PRKCA: variants seen among roughly 807,000 people sequenced by gnomAD.
PRKCA encodes the protein protein kinase C alpha type.
PRKCA carries 27 observed loss-of-function variants against 87.0 expected under a neutral mutation model. The ratio of observed to expected loss-of-function variants is 0.31; its 90% CI spans 0.23 to 0.43. The LOEUF (loss-of-function observed/expected upper bound fraction) is 0.43. PRKCA is among the 20% of genes least tolerant of loss of function. The pLI is 1.00. For missense variants in PRKCA, 518 were observed against 852.3 expected (o/e 0.61, Z 4.88); for synonymous variants, 329 against 311.1 (o/e 1.06, Z -0.61).
intron 14 of PRKCA, chr17:66,777,263 T>C: frequency 1.0e-6 from 1 of 985,438 alleles, no homozygotes; most frequent in Non-Finnish European, 1.2e-6. Context: ...AGGCTGTGGA[T>C]GATCTCTCCT....
intron 16 of PRKCA, among the ~76,000 whole-genome samples, chr17:66,800,528 C>G (rs1190726332): frequency 6.6e-6 from 1 of 152,244 alleles, no homozygotes; most frequent in African/African-American, 2.4e-5. Context: ...GCCTCCCTCT[C>G]CAGGCTTCTC....
chr17:66,767,874 G>A (rs1974845249), intron 13 of PRKCA, among the ~76,000 whole-genome samples: 1 of 152,140 alleles, frequency 6.6e-6, no homozygotes, highest in African/African-American at 2.4e-5. Context: ...AATACTATCT[G>A]ATGCTGAAGG....
intron 3 of PRKCA, among the ~76,000 whole-genome samples, chr17:66,564,491 A>G (rs991929431): frequency 1.3e-5 from 2 of 152,150 alleles, no homozygotes; most frequent in African/African-American, 2.4e-5. Context: ...GCTTTTGTCC[A>G]TGGTGCCTCT....
chr17:66,588,411 TCTG>T (rs1250083200), intron 3 of PRKCA, among the ~76,000 whole-genome samples: 19 of 152,082 alleles, frequency 1.2e-4, no homozygotes, highest in African/African-American at 3.6e-4. Context: ...CAAATTATCT[TCTG>T]CTGGGATTTG....
chr17:66,630,211 A>G (rs1970973463), intron 3 of PRKCA, among the ~76,000 whole-genome samples: 1 of 152,224 alleles, frequency 6.6e-6, no homozygotes, highest in African/African-American at 2.4e-5. Flanking sequence ...CAGTATGACA[A>G]TAGGAAAAAG....
rs1158204985 is a variant in PRKCA at position 66,698,927 on chromosome 17, C to G, written c.918+9880C>G. On this transcript the variant is annotated intron_variant, in intron 8 of 16. Transcript: ENST00000413366. ...CCTGGGAGGCAGAGATTGCAGTGAGCTGAGATTTTGCCACTGCACTCCAGC... is the reference window on the plus strand; with the variant it reads ...CCTGGGAGGCAGAGATTGCAGTGAGGTGAGATTTTGCCACTGCACTCCAGC... 5.3e-5 allele frequency among the ~76,000 whole-genome samples: 8 copies of G among 151,530 alleles called. No homozygotes were observed. In the East Asian group the frequency reaches 1.5e-3, roughly 29 times the overall value.
chr17:66,625,382 CCT>C (rs1970823539), intron 3 of PRKCA, among the ~76,000 whole-genome samples: 1 of 152,128 alleles, frequency 6.6e-6, no homozygotes. Context: ...CAACAGGGTT[CCT>C]CTCTACTCTG....
intron 3 of PRKCA, among the ~76,000 whole-genome samples, chr17:66,563,368 T>C (rs943065845): frequency 1.3e-5 from 2 of 152,198 alleles, no homozygotes; most frequent in African/African-American, 4.8e-5. Flanking sequence ...CTGATCCTTC[T>C]ATTGCCTCCA....
chr17:66,722,449 GC>G (rs1344872597), intron 8 of PRKCA, among the ~76,000 whole-genome samples: 5 of 152,184 alleles, frequency 3.3e-5, no homozygotes, highest in Non-Finnish European at 5.9e-5. Flanking sequence ...CACATGGATA[GC>G]TTCAGACACA....
chr17:66,626,707 A>G (rs750279758), intron 3 of PRKCA, among the ~76,000 whole-genome samples: 4 of 151,984 alleles, frequency 2.6e-5, no homozygotes, highest in Non-Finnish European at 4.4e-5. Context: ...GGTTTTTGCC[A>G]TGTTGGCCAG....
At chr17:66,798,710 ATGGTGG>A (rs1568041410) in intron 16 of PRKCA, among the ~76,000 whole-genome samples, 4 of 950 alleles carry the variant, frequency 4.2e-3, no homozygotes, top group African/African-American at 4.8e-3. Context: ...GGTGGTGGTG[ATGGTGG>A]TGGTGGTGGT....
rs748103430 is a variant in PRKCA, at chr17:66,803,552, C to T, written c.1855-321C>T. On this transcript the variant is annotated intron_variant, in intron 16 of 16. Transcript: ENST00000413366. The surrounding 1 kb of genome is among the most constrained non-coding windows in gnomAD (Gnocchi z 4.4). ...CTGACGGCCCTGCGTGCGTGGCTTC[C>T]GTGCTCTCAGCTCCGCTTGCTCGGT... is the stretch of plus-strand genomic sequence containing the variant. 5.3e-5 allele frequency among the ~76,000 whole-genome samples: 8 copies of T among 152,350 alleles called. No individual in the cohort carries two copies. The highest frequency in any genetic ancestry group is 9.6e-5 in the African/African-American group (4 of 41,586).
intron 13 of PRKCA, among the ~76,000 whole-genome samples, chr17:66,757,220 C>G (rs928627487): frequency 1.1e-4 from 13 of 118,762 alleles, no homozygotes; most frequent in African/African-American, 4.1e-4. Flanking sequence ...AAAGCAAAGA[C>G]TGAAAAAAAA....
chr17:66,429,710 C>G (rs1463868325), intron 2 of PRKCA, among the ~76,000 whole-genome samples: 1 of 152,146 alleles, frequency 6.6e-6, no homozygotes, highest in Non-Finnish European at 1.5e-5. Context: ...CCCTATCCTC[C>G]CTGCCCCCAA....
chr17:66,736,875 C>T (rs1292848876), intron 10 of PRKCA, among the ~76,000 whole-genome samples: 1 of 152,198 alleles, frequency 6.6e-6, no homozygotes, highest in Non-Finnish European at 1.5e-5. Flanking sequence ...GCTGCTTTTG[C>T]ACCATGAAGG....
chr17:66,390,771 C>T (rs896769661), intron 2 of PRKCA, among the ~76,000 whole-genome samples: 1 of 152,158 alleles, frequency 6.6e-6, no homozygotes, highest in African/African-American at 2.4e-5. Context: ...GCAAAGCCAT[C>T]GGAAGAGAAT....
intron 3 of PRKCA, among the ~76,000 whole-genome samples, chr17:66,587,915 A>ATCC (rs1969671850): frequency 7.3e-6 from 1 of 136,994 alleles, no homozygotes; most frequent in African/African-American, 2.9e-5. Context: ...ATATATATAT[A>ATCC]TATATATATA....
intron 4 of PRKCA, among the ~76,000 whole-genome samples, chr17:66,642,082 A>G (rs1373271500): frequency 1.3e-5 from 2 of 152,038 alleles, no homozygotes; most frequent in Non-Finnish European, 2.9e-5. Flanking sequence ...GTGTATCTCC[A>G]TCAACTACCA....
chr17:66,567,339 G>A (rs946267147), intron 3 of PRKCA, among the ~76,000 whole-genome samples: 4 of 152,214 alleles, frequency 2.6e-5, no homozygotes, highest in Non-Finnish European at 4.4e-5. Context: ...TCCAGAGCGT[G>A]GCTTTGTAGC....
Sources: gnomAD v4.1 joint callset for allele counts (sites outside exome capture counted in the v4.1 genomes callset) on GRCh38, gnomAD v4.1.1 for gene constraint, Gnocchi (gnomAD v3.1) non-coding constraint, MANE v1.5 for transcripts, NCBI Gene and HGNC (gene_info 2026-07-23, HGNC 2026-07-21) for gene names.